Variants in XYLT1 observed in about 807,000 individuals in gnomAD.
The protein encoded by XYLT1 is xylosyltransferase 1, also known as beta-D-xylosyltransferase 1.
XYLT1 carries 36 observed loss-of-function variants against 91.3 expected under a neutral mutation model. That is an observed-to-expected ratio of 0.39 (90% confidence interval 0.30 to 0.52). XYLT1 has a LOEUF of 0.52. Among genes scored for constraint, XYLT1 ranks in the 20% least tolerant of loss-of-function variants. The pLI is 0.68. For synonymous variants in XYLT1, 588 were observed against 532.0 expected, an observed-to-expected ratio of 1.11 and a Z score of -1.45; for missense variants, 1,242 against 1,284.5, an observed-to-expected ratio of 0.97 and a Z score of 0.51.
chr16:17,426,744 C>T (rs529756086), intron 1 of XYLT1, among the ~76,000 whole-genome samples: 18 of 152,204 alleles, frequency 1.2e-4, no homozygotes, highest in Middle Eastern at 3.4e-3. Context: ...TAACAGAGAC[C>T]CTATGGCCCA....
intron 2 of XYLT1, among the ~76,000 whole-genome samples, chr16:17,343,429 C>CTT (rs1440591996): frequency 1.3e-5 from 2 of 152,144 alleles, no homozygotes; most frequent in Non-Finnish European, 2.9e-5. Context: ...GCCCTACATC[C>CTT]TTTTGTGCCT....
chr16:17,215,006 C>T lies in XYLT1; in HGVS notation c.914-14352G>A, dbSNP rs532300971. Among the ~76,000 whole-genome samples the T allele has an allele frequency of 1.2e-4, 19 of 152,232 alleles. No individual in the cohort carries two copies. In the South Asian group the frequency reaches 3.7e-3, roughly 30 times the overall value. On this transcript the variant is annotated intron_variant, in intron 3 of 11. Transcript: ENST00000261381. ...CCCCCGAAAATTAATATGTTGAAGG[C>T]CTAGCCTCTCCTGTGACCGTATTGG...
chr16:17,346,791 C>T (rs778490929), intron 2 of XYLT1, among the ~76,000 whole-genome samples: 3 of 152,184 alleles, frequency 2.0e-5, no homozygotes, highest in African/African-American at 4.8e-5. Context: ...TAGCATTGAG[C>T]TGGCTGGGTT....
chr16:17,409,590 C>A (rs1360289414), intron 1 of XYLT1, among the ~76,000 whole-genome samples: 1 of 143,354 alleles, frequency 7.0e-6, no homozygotes, highest in Non-Finnish European at 1.5e-5. Flanking sequence ...CACTCTGTTG[C>A]CAAGGCTGGA....
chr16:17,385,224 G>C (rs561893295), intron 1 of XYLT1, among the ~76,000 whole-genome samples: 1 of 150,714 alleles, frequency 6.6e-6, no homozygotes, highest in African/African-American at 2.4e-5. Context: ...AGTAAATAGA[G>C]GCCCCCGCTG....
Position 17,470,761 on chromosome 16 carries a change from C to G in XYLT1, c.36G>C (p.Arg12=). Reference sequence around the variant, plus strand: ...CCGCGAGCAGCGCCGAGTGCGAGCGCCGGGCCAGCCTCCGGGCGCACGGCG... The same window carrying G: ...CCGCGAGCAGCGCCGAGTGCGAGCGGCGGGCCAGCCTCCGGGCGCACGGCG... ...VAAPCARRLA[R]RSHSALLAAL... The change falls in exon 1 of 12, where the codon CGG becomes CGC. Residue 12 remains arginine (R), a synonymous_variant. Coordinates refer to ENST00000261381, the MANE Select transcript of XYLT1 (RefSeq NM_022166.4). The G allele has an allele frequency of 9.2e-7, 1 of 1,081,744 alleles. No individual in the cohort carries two copies. Among genetic ancestry groups the G allele is most frequent in the Non-Finnish European group, 1.1e-6 (1 of 885,220 alleles). The allele number at this position is 1,081,744 out of a possible 1,614,324, so 67.0% of individuals were successfully genotyped here.
chr16:17,413,509 A>G (rs145728665), intron 1 of XYLT1, among the ~76,000 whole-genome samples: 1,689 of 150,602 alleles, frequency 0.011, 19 homozygotes, highest in Middle Eastern at 0.024. Context: ...TGCGTGGTGC[A>G]ATCTCAGCTC....
intron 11 of XYLT1, among the ~76,000 whole-genome samples, chr16:17,110,897 C>A (rs957635486): frequency 6.6e-6 from 1 of 152,194 alleles, no homozygotes; most frequent in African/African-American, 2.4e-5. Context: ...CGATGGCTTA[C>A]ACCTGTAATC....
In XYLT1 at chr16:17,108,978, G is replaced by C. The variant is rs1245014778; in HGVS notation, c.2597C>G (p.Ala866Gly). 1.3e-6 allele frequency: 2 copies of C among 1,557,984 alleles called. No homozygotes were observed. Among genetic ancestry groups the C allele is most frequent in the Admixed American group, 3.5e-5 (2 of 56,968 alleles). Residue 866 changes from alanine to glycine, a missense_variant, in exon 12 of 12, where the codon GCC (alanine) becomes GGC (glycine). Physicochemically the swap from Ala to Gly is moderately conservative, Grantham distance 60. This residue lies in a region of XYLT1 where 511 missense variants were observed against 497.0 expected (regional missense o/e 1.03). Coordinates refer to ENST00000261381, the MANE Select transcript of XYLT1 (RefSeq NM_022166.4). Reference protein sequence around the residue: ...LKLHNGPLRNAYMEQSFQSLN... With the variant: ...LKLHNGPLRNGYMEQSFQSLN... ...GCTCTGGAAGCTCTGCTCCATGTAG[G>C]CATTGCGGAGGGGCCCATTGTGCAG... is the stretch of plus-strand genomic sequence containing the variant.
At chr16:17,423,530 T>A (rs2036274908) in intron 1 of XYLT1, among the ~76,000 whole-genome samples, 1 of 152,128 alleles carries the variant, frequency 6.6e-6, no homozygotes, top group African/African-American at 2.4e-5. Flanking sequence ...GTGGGGACAA[T>A]CCCACGTGCT....
intron 9 of XYLT1, among the ~76,000 whole-genome samples, chr16:17,129,939 G>T (rs1338349384): frequency 6.6e-6 from 1 of 152,160 alleles, no homozygotes; most frequent in Non-Finnish European, 1.5e-5. Context: ...TCTACCTCTG[G>T]AATCTTCTTT....
intron 2 of XYLT1, among the ~76,000 whole-genome samples, chr16:17,297,557 GAAA>G (rs35985751): frequency 0.011 from 1,605 of 142,918 alleles, 44 homozygotes; most frequent in East Asian, 0.076. Flanking sequence ...TAAAGAAAAT[GAAA>G]AAAAAAAAAA....
chr16:17,456,090 C>G (rs147038059), intron 1 of XYLT1, among the ~76,000 whole-genome samples: 6 of 152,030 alleles, frequency 3.9e-5, no homozygotes, highest in African/African-American at 1.5e-4. Flanking sequence ...AGGTGGAGGC[C>G]GTCACCCCAG....
At chr16:17,364,964 C>G (rs1411697478) in intron 1 of XYLT1, among the ~76,000 whole-genome samples, 2 of 152,118 alleles carry the variant, frequency 1.3e-5, no homozygotes, top group Non-Finnish European at 2.9e-5. Context: ...TACATGATAC[C>G]TAAACTCTAC....
intron 2 of XYLT1, among the ~76,000 whole-genome samples, chr16:17,291,141 G>A (rs1355856720): frequency 1.3e-5 from 2 of 152,046 alleles, no homozygotes; most frequent in Non-Finnish European, 2.9e-5. Flanking sequence ...ATGATTTAGT[G>A]GGCACCACCA....
chr16:17,131,175 A>G (rs1024173208), intron 9 of XYLT1, among the ~76,000 whole-genome samples: 3 of 152,190 alleles, frequency 2.0e-5, no homozygotes, highest in African/African-American at 7.2e-5. Flanking sequence ...AAATTCTAGA[A>G]GGATTTTCTC....
rs148791665 is a variant in XYLT1 at position 17,219,635 on chromosome 16, T to C, written c.914-18981A>G. ...TAAGCCAGGGGGCTCCTGAGAATAC[T>C]TTTCTTTTCTTTCTTTCTCTTTTTG... On this transcript the variant is annotated intron_variant, in intron 3 of 11. Coordinates refer to ENST00000261381, the MANE Select transcript of XYLT1 (RefSeq NM_022166.4). 3.4e-3 allele frequency among the ~76,000 whole-genome samples: 517 copies of C among 152,246 alleles called. 3 individuals carry two copies. Among genetic ancestry groups the C allele is most frequent in the African/African-American group, 0.012 (497 of 41,566 alleles).
chr16:17,301,132 T>C (rs528893071), intron 2 of XYLT1, among the ~76,000 whole-genome samples: 57 of 152,182 alleles, frequency 3.7e-4, no homozygotes, highest in African/African-American at 1.3e-3. Flanking sequence ...AATCTTAGGC[T>C]GGGCACAGTG....
chr16:17,267,365 A>G (rs1301226131), intron 2 of XYLT1, among the ~76,000 whole-genome samples: 1 of 152,254 alleles, frequency 6.6e-6, no homozygotes, highest in East Asian at 1.9e-4. Flanking sequence ...CAGCAGGATG[A>G]TATTTTAAGC....
Sources: allele counts gnomAD v4.1 joint callset (sites outside exome capture counted in the v4.1 genomes callset), GRCh38; gene constraint gnomAD v4.1.1; regional missense constraint gnomAD v4.1.1; transcripts MANE v1.5; gene names NCBI Gene and HGNC (gene_info 2026-07-23, HGNC 2026-07-21).